ITPK1: variants seen among roughly 807,000 people sequenced by gnomAD.
ITPK1 encodes inositol 1,3,4-trisphosphate 5/6-kinase.
Under a neutral mutation model 45.3 loss-of-function variants are expected in ITPK1, and 21 were observed. The observed-to-expected ratio is 0.46, with a 90% CI of 0.33 to 0.67. The LOEUF (loss-of-function observed/expected upper bound fraction) is 0.67. Ranked by LOEUF, ITPK1 falls within the 30% of genes least tolerant of loss-of-function variation. ITPK1 has a pLI of 0.02. For missense variants in ITPK1, 474 were observed against 573.5 expected (o/e 0.83, Z 1.77); for synonymous variants, 258 against 253.6 (o/e 1.02, Z -0.16).
chr14:93,052,361 A>G (rs185441960), intron 3 of ITPK1, among the ~76,000 whole-genome samples: 5 of 152,298 alleles, frequency 3.3e-5, no homozygotes, highest in Admixed American at 3.3e-4. Context: ...AGTTTCCACT[A>G]AAGGTCTTTT....
chr14:93,094,610 C>A (rs950322232), intron 2 of ITPK1, among the ~76,000 whole-genome samples: 1 of 152,166 alleles, frequency 6.6e-6, no homozygotes, highest in Non-Finnish European at 1.5e-5. Context: ...CACTCAATGA[C>A]CTCCCAGGGC....
At chr14:93,019,169 G>A (rs371551558) in intron 3 of ITPK1, among the ~76,000 whole-genome samples, 10 of 152,286 alleles carry the variant, frequency 6.6e-5, no homozygotes, top group Admixed American at 5.2e-4. Flanking sequence ...AGACAGCTAC[G>A]AGCGCAGGGG....
At chr14:93,010,742 G>A (rs1415384402) in intron 4 of ITPK1, among the ~76,000 whole-genome samples, 2 of 152,220 alleles carry the variant, frequency 1.3e-5, no homozygotes, top group Admixed American at 6.5e-5. Flanking sequence ...ATTGACATAA[G>A]CCACGGTGAC....
At chr14:92,966,636 A>C (rs1246186608) in intron 5 of ITPK1, among the ~76,000 whole-genome samples, 2 of 152,210 alleles carry the variant, frequency 1.3e-5, no homozygotes. Flanking sequence ...GGACCACTAA[A>C]ATATCTGGAA....
chr14:93,070,132 C>G (rs1890932218), intron 3 of ITPK1: 1 of 152,364 alleles, frequency 6.6e-6, no homozygotes, highest in African/African-American at 2.4e-5. Context: ...GTCACCTTCT[C>G]CCCGATCTTT....
chr14:93,063,541 C>T lies in ITPK1; in HGVS notation c.120+13054G>A, dbSNP rs1434434574. Among the ~76,000 whole-genome samples, 1 of 152,220 alleles carries T rather than the reference C, an allele frequency of 6.6e-6. No homozygotes were observed. The highest frequency in any genetic ancestry group is 6.5e-5 in the Admixed American group (1 of 15,276). On this transcript the variant is annotated intron_variant, in intron 3 of 10. Coordinates refer to ENST00000267615, the MANE Select transcript of ITPK1 (RefSeq NM_014216.6). This position sits in a 1 kb window ranked among gnomAD's most constrained non-coding sequence, Gnocchi z 4.3. ...AAGGCCTTCTCACTTGCCCTCCCCTCGTCTCAATCATCCATCTCATCACCA... is the reference window on the plus strand; with the variant it reads ...AAGGCCTTCTCACTTGCCCTCCCCTTGTCTCAATCATCCATCTCATCACCA...
intron 5 of ITPK1, among the ~76,000 whole-genome samples, chr14:92,985,778 G>C (rs1364129476): frequency 6.6e-6 from 1 of 151,940 alleles, no homozygotes; most frequent in African/African-American, 2.4e-5. Flanking sequence ...GGACTCACAG[G>C]GTCACAGCAC....
chr14:92,964,664 C>T (rs1326480592), intron 5 of ITPK1, among the ~76,000 whole-genome samples: 1 of 152,232 alleles, frequency 6.6e-6, no homozygotes, highest in African/African-American at 2.4e-5. Context: ...GGGCTCCACC[C>T]TTGGCCCCTC....
chr14:93,001,985 T>G (rs956722680), intron 4 of ITPK1, among the ~76,000 whole-genome samples: 5 of 152,162 alleles, frequency 3.3e-5, no homozygotes, highest in African/African-American at 1.2e-4. Context: ...CCTATACACC[T>G]TGCAGGAATG....
intron 3 of ITPK1, chr14:93,069,449 T>C (rs982042074): frequency 1.3e-5 from 2 of 154,358 alleles, no homozygotes; most frequent in African/African-American, 4.8e-5. Context: ...GCCCTGGCCA[T>C]GCTCCTTGTC....
In ITPK1 at chr14:93,032,007, C is replaced by T. The variant is rs1024672379; in HGVS notation, c.121-15206G>A. Among the ~76,000 whole-genome samples, 5 of 152,268 alleles carry T rather than the reference C, an allele frequency of 3.3e-5. No homozygotes were observed. Among genetic ancestry groups the T allele is most frequent in the African/African-American group, 4.8e-5 (2 of 41,568 alleles). On this transcript the variant is annotated intron_variant, in intron 3 of 10. Transcript: ENST00000267615. This position sits in a 1 kb window ranked among gnomAD's most constrained non-coding sequence, Gnocchi z 4.0. The stretch of plus-strand genomic sequence containing the variant: ...TTTCTATATTCATTGCTTTCCAATC[C>T]GAAGAGAGCATTCCTTGAGGCAGTT...
At chr14:92,954,534 T>C (rs1191793304) in intron 8 of ITPK1, among the ~76,000 whole-genome samples, 1 of 152,090 alleles carries the variant, frequency 6.6e-6, no homozygotes, top group Non-Finnish European at 1.5e-5. Context: ...ACTAGCCCAA[T>C]AGCACCAGTG....
intron 2 of ITPK1, among the ~76,000 whole-genome samples, chr14:93,097,133 T>C (rs1892110170): frequency 6.6e-6 from 1 of 152,228 alleles, no homozygotes; most frequent in Non-Finnish European, 1.5e-5. Flanking sequence ...GAAAGGTCTA[T>C]GGGCTGCCGG....
At chr14:93,019,409 T>A (rs1437356439) in intron 3 of ITPK1, among the ~76,000 whole-genome samples, 2 of 152,154 alleles carry the variant, frequency 1.3e-5, no homozygotes, top group East Asian at 1.9e-4. Context: ...GCTCTCCGCA[T>A]CCCCGGCGCT....
chr14:92,979,894 C>A (rs1280057428), intron 5 of ITPK1, among the ~76,000 whole-genome samples: 1 of 151,830 alleles, frequency 6.6e-6, no homozygotes, highest in African/African-American at 2.4e-5. Flanking sequence ...CTCACTGCAG[C>A]CTCAGCCTCC....
intron 2 of ITPK1, among the ~76,000 whole-genome samples, chr14:93,112,612 G>A (rs1180420191): frequency 6.6e-6 from 1 of 151,882 alleles, no homozygotes; most frequent in African/African-American, 2.4e-5. Flanking sequence ...GCTAATTTTT[G>A]TATTTTTAGT....
In ITPK1 at chr14:93,092,382, G is replaced by A. The variant is rs776114245; in HGVS notation, c.96-15763C>T. Among the ~76,000 whole-genome samples, 65 of 152,160 alleles carry A rather than the reference G, an allele frequency of 4.3e-4. 1 individual carries two copies. The highest frequency in any genetic ancestry group is 7.2e-4 in the Admixed American group (11 of 15,278). On this transcript the variant is annotated intron_variant, in intron 2 of 10. Coordinates refer to ENST00000267615, the MANE Select transcript of ITPK1 (RefSeq NM_014216.6). ...GGAAGCCTGGAGCAGGAAGCCAGGCGCTCTGACTCCCAGGTCACATCAAGC... is the reference window on the plus strand; with the variant it reads ...GGAAGCCTGGAGCAGGAAGCCAGGCACTCTGACTCCCAGGTCACATCAAGC...
chr14:93,095,153 T>A (rs1892023689), intron 2 of ITPK1, among the ~76,000 whole-genome samples: 1 of 152,166 alleles, frequency 6.6e-6, no homozygotes, highest in Non-Finnish European at 1.5e-5. Flanking sequence ...GCACCCCGCA[T>A]GGTGTCTGAA....
At chr14:92,955,108 T>TA (rs1397260076) in intron 8 of ITPK1, among the ~76,000 whole-genome samples, 3 of 152,162 alleles carry the variant, frequency 2.0e-5, no homozygotes, top group Non-Finnish European at 2.9e-5. Context: ...CACTGACTAT[T>TA]AAGAGGCTCT....
Sources: gnomAD v4.1 joint callset for allele counts (sites outside exome capture counted in the v4.1 genomes callset) on GRCh38, gnomAD v4.1.1 for gene constraint, Gnocchi (gnomAD v3.1) non-coding constraint, MANE v1.5 for transcripts, NCBI Gene and HGNC (gene_info 2026-07-23, HGNC 2026-07-21) for gene names.